The following PRH1 variants were observed in gnomAD, a reference collection of about 807,000 sequenced individuals.
PRH1 encodes salivary acidic proline-rich phosphoprotein 1/2.
A neutral mutation model predicts 7.9 loss-of-function variants in PRH1; 7 were observed. The ratio of observed to expected loss-of-function variants is 0.89; its 90% confidence interval spans 0.50 to 1.67. The LOEUF (loss-of-function observed/expected upper bound fraction) is 1.67, where lower values mean the gene tolerates loss of function less well. Among genes scored for constraint, PRH1 ranks in the 40% most tolerant of loss-of-function variants. The pLI, the probability that PRH1 is intolerant of heterozygous loss-of-function variation, is 0.00. For synonymous variants in PRH1, 45 were observed against 80.8 expected, an observed-to-expected ratio of 0.56 and a Z score of 2.38; for missense variants, 109 against 223.6, an observed-to-expected ratio of 0.49 and a Z score of 3.27.
At chr12:10,939,265 TC>T in intron 2 of PRH1, 1 of 955,746 alleles carries the variant, frequency 1.0e-6, no homozygotes, top group African/African-American at 1.6e-5. Flanking sequence ...CTTAATGCAT[TC>T]ATCTAAAATG....
chr12:10,888,846 T>C (rs1243459074), upstream of PRH1, among the ~76,000 whole-genome samples: 1 of 152,228 alleles, frequency 6.6e-6, no homozygotes, highest in Non-Finnish European at 1.5e-5. Context: ...TACATCCCTT[T>C]ATAATTTTTA....
At chr12:10,897,819 C>T (rs1292242541) in intron 2 of PRH1, among the ~76,000 whole-genome samples, 2 of 152,152 alleles carry the variant, frequency 1.3e-5, no homozygotes, top group African/African-American at 4.8e-5. Context: ...AATCCAATCA[C>T]CTCCCACCAG....
At chr12:11,062,900 G>T (rs1454604212) in intron 1 of PRH1, among the ~76,000 whole-genome samples, 2 of 151,858 alleles carry the variant, frequency 1.3e-5, no homozygotes, top group Non-Finnish European at 2.9e-5. Context: ...CTGCTAATAC[G>T]TTTGTATAAC....
chr12:10,924,211 T>A (rs1310392247), intron 2 of PRH1, among the ~76,000 whole-genome samples: 5 of 152,048 alleles, frequency 3.3e-5, no homozygotes, highest in Admixed American at 3.3e-4. Flanking sequence ...ATGGTCTCCA[T>A]CTCCTGACCT....
downstream of PRH1, among the ~76,000 whole-genome samples, chr12:11,119,460 T>C (rs1945830396): frequency 6.6e-6 from 1 of 152,134 alleles, no homozygotes; most frequent in South Asian, 2.1e-4. Flanking sequence ...GAGTAAATGT[T>C]TGAGGGGATG....
intron 2 of PRH1, chr12:10,932,402 C>T (rs1440052315): frequency 4.5e-6 from 1 of 219,956 alleles, no homozygotes; most frequent in Non-Finnish European, 1.0e-5. Context: ...ACATCCAGGA[C>T]CCCTTCTCCT....
intron 1 of PRH1, among the ~76,000 whole-genome samples, chr12:11,073,323 C>A (rs77582891): frequency 0.052 from 3,263 of 63,148 alleles, 18 homozygotes; most frequent in East Asian, 0.076. Context: ...AAGTAGAGAC[C>A]TGGTTTCACC....
At chr12:10,982,996 G>A (rs1348214346) in intron 1 of PRH1, among the ~76,000 whole-genome samples, 1 of 152,182 alleles carries the variant, frequency 6.6e-6, no homozygotes, top group Non-Finnish European at 1.5e-5. Context: ...AGGGCTGCTT[G>A]TCTCAAGTCA....
At chr12:11,042,780 C>G (rs1435812540) in intron 1 of PRH1, among the ~76,000 whole-genome samples, 2 of 151,894 alleles carry the variant, frequency 1.3e-5, no homozygotes, top group Non-Finnish European at 2.9e-5. Flanking sequence ...CAGGCGCCCA[C>G]CACCACGCCC....
At chr12:11,091,631 C>T in intron 1 of PRH1, 1 of 1,234,768 alleles carries the variant, frequency 8.1e-7, no homozygotes, top group Non-Finnish European at 1.1e-6. Flanking sequence ...ACACAAAGAA[C>T]AGATTAACAG....
intron 1 of PRH1, among the ~76,000 whole-genome samples, chr12:11,137,486 A>T (rs941616596): frequency 2.6e-5 from 4 of 152,190 alleles, no homozygotes; most frequent in Admixed American, 2.6e-4. Context: ...CTGTTTGACA[A>T]TCTGGTCCTA....
chr12:11,170,009 G>A (rs1947766848), intron 1 of PRH1, among the ~76,000 whole-genome samples: 1 of 152,196 alleles, frequency 6.6e-6, no homozygotes, highest in African/African-American at 2.4e-5. Context: ...GACATGCAGT[G>A]CACGGTGCGA....
chr12:10,889,513 T>C (rs1249543417), intron 2 of PRH1, among the ~76,000 whole-genome samples: 5 of 152,206 alleles, frequency 3.3e-5, no homozygotes, highest in African/African-American at 1.2e-4. Flanking sequence ...GTATTCTGGT[T>C]GGGATTTGCT....
At chr12:11,007,572 T>C (rs1940886730) in intron 1 of PRH1, among the ~76,000 whole-genome samples, 1 of 152,158 alleles carries the variant, frequency 6.6e-6, no homozygotes, top group Non-Finnish European at 1.5e-5. Flanking sequence ...CATCCTTTGA[T>C]ATATTATCTT....
At chr12:10,913,990 G>T (rs1187856949) in intron 2 of PRH1, among the ~76,000 whole-genome samples, 1 of 152,202 alleles carries the variant, frequency 6.6e-6, no homozygotes, top group African/African-American at 2.4e-5. Context: ...TGGCAAGTAT[G>T]AGACTGGCCT....
At chr12:11,031,547 A>C in intron 1 of PRH1, 3 of 538,754 alleles carry the variant, frequency 5.6e-6, no homozygotes, top group Non-Finnish European at 9.2e-6. Flanking sequence ...ACCGGGAGGA[A>C]GGCGACCCAG....
chr12:11,136,994 A>AT (rs1456791256), intron 1 of PRH1, among the ~76,000 whole-genome samples: 2 of 152,236 alleles, frequency 1.3e-5, no homozygotes, highest in Non-Finnish European at 2.9e-5. Flanking sequence ...CACAGAAGAG[A>AT]TTAAAATCAT....
intron 1 of PRH1, among the ~76,000 whole-genome samples, chr12:11,146,037 GAT>G (rs1946850070): frequency 6.6e-6 from 1 of 152,012 alleles, no homozygotes; most frequent in South Asian, 2.1e-4. Flanking sequence ...TAGATACATA[GAT>G]ATAAAGTGTA....
rs1314165639 is a variant in PRH1, at chr12:10,920,256, T to G, written c.-58-35981A>C. Among the ~76,000 whole-genome samples, 2 of 152,102 alleles carry G rather than the reference T, an allele frequency of 1.3e-5. 1 individual carries two copies. The highest frequency in any genetic ancestry group is 4.8e-5 in the African/African-American group (2 of 41,332). On this transcript the variant is annotated intron_variant, in intron 2 of 3. Transcript: ENST00000539853. ...TTAATTTTCTTTTTCAAGAATTGTCTGAATTATTTTTGAATACTTAATTCA... is the reference window on the plus strand; with the variant it reads ...TTAATTTTCTTTTTCAAGAATTGTCGGAATTATTTTTGAATACTTAATTCA...
Sources: allele counts gnomAD v4.1 joint callset (sites outside exome capture counted in the v4.1 genomes callset), GRCh38; gene constraint gnomAD v4.1.1; transcripts MANE v1.5; gene names NCBI Gene and HGNC (gene_info 2026-07-23, HGNC 2026-07-21).